NRG3: variants seen among roughly 807,000 people sequenced by gnomAD.
The protein encoded by NRG3 is neuregulin 3.
A neutral mutation model predicts 66.9 loss-of-function variants in NRG3; 31 were observed. The observed-to-expected ratio is 0.46, with a 90% CI of 0.35 to 0.63. NRG3 has a LOEUF of 0.63. Among genes scored for constraint, NRG3 ranks in the 20% least tolerant of loss-of-function variants. NRG3 has a pLI of 0.00. For missense variants in NRG3, 910 were observed against 878.9 expected, an observed-to-expected ratio of 1.04 and a Z score of -0.45; for synonymous variants, 393 against 359.4, an observed-to-expected ratio of 1.09 and a Z score of -1.06.
chr10:82,837,397 TAA>T (rs1201268334), intron 3 of NRG3, among the ~76,000 whole-genome samples: 1 of 152,142 alleles, frequency 6.6e-6, no homozygotes, highest in African/African-American at 2.4e-5. Context: ...TTATTTGTGC[TAA>T]GTTTTGAGGA....
chr10:82,270,614 G>T (rs773549201), intron 1 of NRG3, among the ~76,000 whole-genome samples: 1 of 151,872 alleles, frequency 6.6e-6, no homozygotes. Context: ...ATTCTTCAAG[G>T]CCTGGTCAAC....
At chr10:82,752,105 C>A (rs182681087) in intron 3 of NRG3, among the ~76,000 whole-genome samples, 23 of 152,234 alleles carry the variant, frequency 1.5e-4, no homozygotes, top group African/African-American at 4.3e-4. Flanking sequence ...TTTTAGTACA[C>A]CTACTTTAAA....
chr10:82,905,331 G>T (rs546594926), intron 4 of NRG3, among the ~76,000 whole-genome samples: 185 of 152,076 alleles, frequency 1.2e-3, no homozygotes, highest in African/African-American at 4.3e-3. Context: ...CATTTCCTAG[G>T]CATTTTCTCC....
intron 7 of NRG3, among the ~76,000 whole-genome samples, chr10:82,976,588 T>C (rs749196774): frequency 5.3e-5 from 8 of 152,300 alleles, no homozygotes; most frequent in African/African-American, 1.4e-4. Context: ...AGAATGCTGA[T>C]ATCTTCCTTT....
At chr10:82,096,953 A>G (rs1159265889) in intron 1 of NRG3, among the ~76,000 whole-genome samples, 2 of 152,208 alleles carry the variant, frequency 1.3e-5, no homozygotes, top group Non-Finnish European at 2.9e-5. Context: ...AAAAAATTTA[A>G]AATTTACATA....
At position 82,372,303 on chromosome 10, in the gene NRG3, G is replaced by T. The variant is rs200458917; in HGVS notation, c.953+13435G>T. 4.6e-5 allele frequency among the ~76,000 whole-genome samples: 7 copies of T among 152,030 alleles called. No individual in the cohort carries two copies. In the East Asian group the frequency reaches 1.4e-3, roughly 29 times the overall value. On this transcript the variant is annotated intron_variant, in intron 2 of 8. Coordinates refer to ENST00000372141, the MANE Select transcript of NRG3 (RefSeq NM_001010848.4). Reference sequence around the variant, plus strand: ...ATGTCATAAATTTTTGATGCAATTGGTCCCTTCCTTTCTGGATTATTTTTT... The same window carrying T: ...ATGTCATAAATTTTTGATGCAATTGTTCCCTTCCTTTCTGGATTATTTTTT...
At chr10:82,504,131 T>C (rs933316171) in intron 2 of NRG3, among the ~76,000 whole-genome samples, 15 of 152,204 alleles carry the variant, frequency 9.9e-5, no homozygotes, top group African/African-American at 3.4e-4. Context: ...TGGATTTGGT[T>C]TGTGGTCTTG....
chr10:82,279,078 A>C (rs944411305), intron 1 of NRG3, among the ~76,000 whole-genome samples: 1 of 152,164 alleles, frequency 6.6e-6, no homozygotes, highest in African/African-American at 2.4e-5. Flanking sequence ...TACTTTGCTT[A>C]TTGCTGATCT....
At chr10:81,933,686 G>T (rs1375366079) in intron 1 of NRG3, among the ~76,000 whole-genome samples, 1 of 152,096 alleles carries the variant, frequency 6.6e-6, no homozygotes, top group Admixed American at 6.5e-5. Context: ...TGGTAAGTTT[G>T]TAAAGTGTTT....
intron 2 of NRG3, among the ~76,000 whole-genome samples, chr10:82,736,501 G>T (rs1366297464): frequency 1.3e-5 from 2 of 152,158 alleles, no homozygotes; most frequent in Non-Finnish European, 2.9e-5. Flanking sequence ...ACAGCCCCTG[G>T]GGGGCTTCCT....
intron 1 of NRG3, among the ~76,000 whole-genome samples, chr10:82,279,650 C>T (rs936013400): frequency 4.6e-5 from 7 of 152,246 alleles, no homozygotes; most frequent in South Asian, 4.1e-4. Context: ...TTTCTGACAA[C>T]GAACACGGAG....
At chr10:82,397,552 A>G (rs1407127610) in intron 2 of NRG3, among the ~76,000 whole-genome samples, 1 of 152,130 alleles carries the variant, frequency 6.6e-6, no homozygotes, top group Non-Finnish European at 1.5e-5. Flanking sequence ...TGCTTGTCCC[A>G]TTCAGTATCT....
intron 1 of NRG3, among the ~76,000 whole-genome samples, chr10:82,253,724 T>G (rs2077587741): frequency 6.6e-6 from 1 of 152,226 alleles, no homozygotes; most frequent in Non-Finnish European, 1.5e-5. Flanking sequence ...TTGATTCCCC[T>G]GCTTTAAAAC....
intron 1 of NRG3, among the ~76,000 whole-genome samples, chr10:82,157,900 A>G (rs1434532753): frequency 6.6e-6 from 1 of 151,736 alleles, no homozygotes; most frequent in Non-Finnish European, 1.5e-5. Flanking sequence ...CAACCCAAAC[A>G]TTATCAAGTG....
chr10:82,735,266 C>A (rs1205676372), intron 2 of NRG3, among the ~76,000 whole-genome samples: 1 of 152,114 alleles, frequency 6.6e-6, no homozygotes, highest in Non-Finnish European at 1.5e-5. Flanking sequence ...GCTGTGCTTC[C>A]TCTCCTGAGC....
At chr10:82,427,114 C>A (rs1375958884) in intron 2 of NRG3, among the ~76,000 whole-genome samples, 1 of 152,068 alleles carries the variant, frequency 6.6e-6, no homozygotes, top group Non-Finnish European at 1.5e-5. Context: ...GGTATTTTTG[C>A]AAGATAATAT....
intron 2 of NRG3, among the ~76,000 whole-genome samples, chr10:82,492,595 C>T (rs2132264247): frequency 6.6e-6 from 1 of 152,210 alleles, no homozygotes; most frequent in Non-Finnish European, 1.5e-5. Context: ...TAAAAGTAGT[C>T]TTAGGTATTA....
chr10:82,138,278 G>A (rs951730947), intron 1 of NRG3, among the ~76,000 whole-genome samples: 1 of 152,024 alleles, frequency 6.6e-6, no homozygotes, highest in African/African-American at 2.4e-5. Context: ...GGAAAAATAT[G>A]TCTTTAGAAA....
chr10:82,088,920 A>G (rs2065874536), intron 1 of NRG3, among the ~76,000 whole-genome samples: 1 of 152,162 alleles, frequency 6.6e-6, no homozygotes, highest in Admixed American at 6.5e-5. Context: ...TACCTTTGCC[A>G]TAATCAGCCA....
Sources: gnomAD v4.1 joint callset for allele counts (sites outside exome capture counted in the v4.1 genomes callset) on GRCh38, gnomAD v4.1.1 for gene constraint, MANE v1.5 for transcripts, NCBI Gene and HGNC (gene_info 2026-07-23, HGNC 2026-07-21) for gene names.